ATRNL1: variants seen among roughly 807,000 people sequenced by gnomAD.
ATRNL1 encodes attractin like 1.
A neutral mutation model predicts 182.7 loss-of-function variants in ATRNL1; 95 were observed. The observed-to-expected ratio is 0.52, with a 90% CI of 0.44 to 0.62. ATRNL1 has a LOEUF of 0.62. Among genes scored for constraint, ATRNL1 ranks in the 20% least tolerant of loss-of-function variants. The pLI, the probability that ATRNL1 is intolerant of heterozygous loss-of-function variation, is 0.00. For missense variants in ATRNL1, 1,471 were observed against 1,679.5 expected (o/e 0.88, Z 2.17); for synonymous variants, 576 against 568.3 (o/e 1.01, Z -0.19).
At chr10:115,616,638 C>G (rs1389199438) in intron 26 of ATRNL1, among the ~76,000 whole-genome samples, 1 of 152,172 alleles carries the variant, frequency 6.6e-6, no homozygotes, top group African/African-American at 2.4e-5. Flanking sequence ...CCTTGTGCAA[C>G]CTTGGGACAC....
chr10:115,257,078 G>GA lies in ATRNL1; in HGVS notation c.1688-8114dup, dbSNP rs1222322822. Among the ~76,000 whole-genome samples, 21 of 152,268 alleles carry GA rather than the reference G, an allele frequency of 1.4e-4. 1 individual carries two copies. Among genetic ancestry groups the GA allele is most frequent in the Admixed American group, 1.3e-3 (20 of 15,290 alleles). On this transcript the variant is annotated intron_variant, in intron 10 of 28. Transcript: ENST00000355044. ...ATGTGGTCAACTTTAGAATAAGTGC[G>GA]ATGTGGTGCTGAGAAGAATGTATAT...
intron 26 of ATRNL1, among the ~76,000 whole-genome samples, chr10:115,563,686 T>TAC (rs1301006032): frequency 2.0e-5 from 3 of 152,306 alleles, no homozygotes; most frequent in Middle Eastern, 3.4e-3. Flanking sequence ...CATTTAACAA[T>TAC]ACATAGTTGT....
chr10:115,117,344 C>T (rs1330565513), intron 1 of ATRNL1, among the ~76,000 whole-genome samples: 4 of 152,018 alleles, frequency 2.6e-5, no homozygotes, highest in African/African-American at 9.7e-5. Flanking sequence ...CTACCTCCTC[C>T]TCACTTTACC....
At chr10:115,243,323 GA>G (rs1212832527) in intron 10 of ATRNL1, among the ~76,000 whole-genome samples, 2 of 152,006 alleles carry the variant, frequency 1.3e-5, no homozygotes, top group African/African-American at 2.4e-5. Flanking sequence ...AAACTTAAGT[GA>G]AAAAATTTGG....
In ATRNL1 at chr10:115,947,530, A is replaced by G. The variant is rs1565510633; in HGVS notation, c.*2751A>G. 1 of 152,668 alleles carries G rather than the reference A, an allele frequency of 6.6e-6. No homozygotes were observed. Among genetic ancestry groups the G allele is most frequent in the Non-Finnish European group, 1.5e-5 (1 of 68,048 alleles). The allele number at this position is 152,668 out of a possible 1,614,324, so 9.5% of individuals were successfully genotyped here. ...AGAATTTGCACATACTTACAGATTC[A>G]GCTAATAAATTTTAAGAGGATTAGG... On this transcript the variant is annotated 3_prime_UTR_variant, in exon 29 of 29. Transcript: ENST00000355044.
intron 26 of ATRNL1, among the ~76,000 whole-genome samples, chr10:115,561,684 T>TGG (rs1853729337): frequency 1.0e-5 from 1 of 97,908 alleles, no homozygotes; most frequent in South Asian, 4.6e-4. Flanking sequence ...TGTGTGTGTG[T>TGG]GTGTGGGTGT....
At chr10:115,230,306 G>A (rs1216692210) in intron 9 of ATRNL1, among the ~76,000 whole-genome samples, 1 of 152,132 alleles carries the variant, frequency 6.6e-6, no homozygotes, top group Non-Finnish European at 1.5e-5. Flanking sequence ...TCAGATTGTT[G>A]CATTTAAAAA....
At chr10:115,889,431 C>A (rs1952027854) in intron 28 of ATRNL1, among the ~76,000 whole-genome samples, 1 of 151,902 alleles carries the variant, frequency 6.6e-6, no homozygotes, top group Admixed American at 6.6e-5. Flanking sequence ...TAGGTTCAAG[C>A]AATTCTCATG....
chr10:115,847,883 C>T lies in ATRNL1; in HGVS notation c.3910C>T (p.Pro1304Ser), dbSNP rs534581626. 6.2e-6 allele frequency: 10 copies of T among 1,603,586 alleles called. No individual in the cohort carries two copies. The highest frequency in any genetic ancestry group is 7.7e-6 in the Non-Finnish European group (9 of 1,170,940). The change falls in exon 28 of 29, where the codon CCC becomes TCC. Residue 1304 changes from proline to serine, a missense_variant. By Grantham distance (74) the Pro-to-Ser change is moderately conservative. Coordinates refer to ENST00000355044, the MANE Select transcript of ATRNL1 (RefSeq NM_207303.4). The part of the protein sequence containing the change: ...EFLRGPLEGA[P>S]KPIAIEPCAG... The stretch of plus-strand genomic sequence containing the variant: ...AGTGGGTTTTCTTTTTCAGGGGGCA[C>T]CCAAGCCAATTGCCATTGAACCATG...
intron 28 of ATRNL1, among the ~76,000 whole-genome samples, chr10:115,897,601 G>A (rs1952240124): frequency 6.6e-6 from 1 of 152,166 alleles, no homozygotes; most frequent in Non-Finnish European, 1.5e-5. Context: ...TGGGATCATA[G>A]AGAATGGGAG....
intron 15 of ATRNL1, among the ~76,000 whole-genome samples, chr10:115,296,621 G>A (rs907427561): frequency 1.3e-5 from 2 of 151,770 alleles, no homozygotes; most frequent in Non-Finnish European, 1.5e-5. Context: ...ATATCCTTTG[G>A]CTTTTATAAA....
At chr10:115,559,464 A>G (rs1258864327) in intron 26 of ATRNL1, among the ~76,000 whole-genome samples, 4 of 143,806 alleles carry the variant, frequency 2.8e-5, no homozygotes, top group Non-Finnish European at 4.6e-5. Flanking sequence ...ACGCACGCAC[A>G]TGCGCAACCC....
At chr10:115,359,965 G>A (rs2050706) in intron 19 of ATRNL1, among the ~76,000 whole-genome samples, 33,598 of 151,236 alleles carry the variant, frequency 0.22, 4,695 homozygotes, top group Non-Finnish European at 0.31. Context: ...AGCTGTAAGC[G>A]TCCAACTTCT....
At chr10:115,892,867 A>G (rs1192727232) in intron 28 of ATRNL1, among the ~76,000 whole-genome samples, 3 of 152,256 alleles carry the variant, frequency 2.0e-5, no homozygotes, top group Non-Finnish European at 2.9e-5. Context: ...AAGTAATTTA[A>G]TTAAATGTTC....
chr10:115,510,282 G>T (rs1222171334), intron 24 of ATRNL1, among the ~76,000 whole-genome samples: 7 of 152,064 alleles, frequency 4.6e-5, no homozygotes, highest in African/African-American at 1.7e-4. Flanking sequence ...GACTCCAATT[G>T]CAAAAGTTCT....
At chr10:115,773,514 A>G (rs1306002721) in intron 27 of ATRNL1, among the ~76,000 whole-genome samples, 3 of 152,316 alleles carry the variant, frequency 2.0e-5, no homozygotes, top group South Asian at 4.1e-4. Flanking sequence ...AATATATAAG[A>G]TATAGCCCAG....
At chr10:115,650,654 T>C (rs1859928972) in intron 26 of ATRNL1, among the ~76,000 whole-genome samples, 1 of 152,006 alleles carries the variant, frequency 6.6e-6, no homozygotes. Context: ...GATCTGTTGT[T>C]TTGTCTTCTT....
At chr10:115,222,811 G>T (rs536408288) in intron 9 of ATRNL1, among the ~76,000 whole-genome samples, 1 of 152,254 alleles carries the variant, frequency 6.6e-6, no homozygotes, top group Admixed American at 6.5e-5. Context: ...AAGTGCTATT[G>T]AAGTAGAAGA....
chr10:115,541,746 A>G (rs1554992050), intron 25 of ATRNL1, among the ~76,000 whole-genome samples: 4 of 152,194 alleles, frequency 2.6e-5, no homozygotes, highest in South Asian at 4.1e-4. Context: ...AAAATACTAT[A>G]GTGTTATATT....
Sources: gnomAD v4.1 joint callset for allele counts (sites outside exome capture counted in the v4.1 genomes callset) on GRCh38, gnomAD v4.1.1 for gene constraint, MANE v1.5 for transcripts, NCBI Gene and HGNC (gene_info 2026-07-23, HGNC 2026-07-21) for gene names.